The following AOPEP variants were observed in gnomAD, a reference collection of about 807,000 sequenced individuals.
The protein encoded by AOPEP is aminopeptidase O.
Under a neutral mutation model 98.1 loss-of-function variants are expected in AOPEP, and 77 were observed. The observed-to-expected ratio is 0.78, with a 90% CI of 0.65 to 0.95. The LOEUF is 0.95. AOPEP is among the 40% of genes least tolerant of loss of function. The pLI is 0.00. For synonymous variants in AOPEP, 346 were observed against 365.3 expected (o/e 0.95, Z 0.60); for missense variants, 1,024 against 1,024.7 (o/e 1.00, Z 0.01).
chr9:94,890,211 G>GT lies in AOPEP; in HGVS notation c.1365-33766dup, dbSNP rs531372863. Among the ~76,000 whole-genome samples the GT allele has an allele frequency of 1.7e-3, 250 of 145,072 alleles. 2 individuals carry two copies. The highest frequency in any genetic ancestry group is 3.6e-3 in the Middle Eastern group (1 of 278). ...CCTGGCTAATTTTTGTGGTTTTTTT[G>GT]TTTTTTTTTGAAACGGAGCCTTGCT... On this transcript the variant is annotated intron_variant, in intron 5 of 16. Transcript: ENST00000375315.
At chr9:94,952,138 G>A (rs2058140906) in intron 7 of AOPEP, among the ~76,000 whole-genome samples, 1 of 152,196 alleles carries the variant, frequency 6.6e-6, no homozygotes, top group Non-Finnish European at 1.5e-5. Context: ...TTTTGCATTG[G>A]TCCTCAGGTG....
Position 94,762,530 on chromosome 9 carries a change from C to G in AOPEP, c.797+1950C>G, listed in dbSNP as rs763624802. On this transcript the variant is annotated intron_variant, in intron 2 of 16. Coordinates refer to ENST00000375315, the MANE Select transcript of AOPEP (RefSeq NM_001193329.3). ...AATGATAAATTTAGTCTTGATATCT[C>G]ATTTTCTGATAATTCAGTAAATATA... Among the ~76,000 whole-genome samples, 9 of 151,970 alleles carry G rather than the reference C, an allele frequency of 5.9e-5. No individual in the cohort carries two copies. In the East Asian group the frequency reaches 7.7e-4, roughly 13 times the overall value.
intron 7 of AOPEP, chr9:94,934,994 G>A (rs2056033286): frequency 6.6e-6 from 1 of 152,214 alleles, no homozygotes; most frequent in Admixed American, 6.5e-5. Context: ...GTTCTGATAC[G>A]GGTTGGCTGT....
intron 3 of AOPEP, among the ~76,000 whole-genome samples, chr9:94,783,722 A>T (rs1342492255): frequency 6.6e-6 from 1 of 152,122 alleles, no homozygotes; most frequent in Admixed American, 6.5e-5. Context: ...TGATATATAC[A>T]TTCTCTATAG....
At chr9:95,104,020 G>C in the AOPEP span, among the ~76,000 whole-genome samples, 4,830 of 152,024 alleles carry the variant, frequency 0.032, 139 homozygotes, top group Non-Finnish European at 0.049. Context: ...TGAGGGTGGA[G>C]AGACCCAAGC....
At chr9:95,128,878 C>A in the AOPEP span, among the ~76,000 whole-genome samples, 1 of 151,742 alleles carries the variant, frequency 6.6e-6, no homozygotes, top group Admixed American at 6.6e-5. Context: ...GAAACAGCAA[C>A]GGCAGAGATT....
chr9:94,915,527 C>G (rs1464907826), intron 5 of AOPEP, among the ~76,000 whole-genome samples: 1 of 152,122 alleles, frequency 6.6e-6, no homozygotes, highest in African/African-American at 2.4e-5. Context: ...TTGCCTCCAC[C>G]CCGACGTCCT....
At chr9:95,032,127 C>G (rs570796839) in intron 13 of AOPEP, among the ~76,000 whole-genome samples, 18 of 152,366 alleles carry the variant, frequency 1.2e-4, no homozygotes, top group African/African-American at 3.6e-4. Context: ...TCCAGCAGGA[C>G]TCACAGTGAG....
the AOPEP span, among the ~76,000 whole-genome samples, chr9:95,133,648 G>T: frequency 6.6e-6 from 1 of 152,090 alleles, no homozygotes; most frequent in South Asian, 2.1e-4. Flanking sequence ...AGGAAAGGCT[G>T]GAAAAAAGGC....
intron 14 of AOPEP, among the ~76,000 whole-genome samples, chr9:95,073,096 C>T (rs1418668665): frequency 6.6e-6 from 1 of 152,224 alleles, no homozygotes; most frequent in Non-Finnish European, 1.5e-5. Flanking sequence ...GCCTGAAAAG[C>T]TGTAGCTCTT....
chr9:94,932,948 A>G, intron 7 of AOPEP: 2 of 985,388 alleles, frequency 2.0e-6, no homozygotes, highest in Non-Finnish European at 1.2e-6. Flanking sequence ...CTGAGGCAAG[A>G]CGATTTGCTC....
At chr9:94,764,180 C>T (rs936576294) in intron 2 of AOPEP, among the ~76,000 whole-genome samples, 10 of 152,144 alleles carry the variant, frequency 6.6e-5, no homozygotes, top group African/African-American at 9.7e-5. Flanking sequence ...TGGTCTTCCT[C>T]GCAAAAGCTC....
intron 10 of AOPEP, among the ~76,000 whole-genome samples, chr9:94,969,691 G>A (rs1830837602): frequency 6.6e-6 from 1 of 152,226 alleles, no homozygotes; most frequent in Non-Finnish European, 1.5e-5. Context: ...ACAGGCGTGG[G>A]CCACTGCGCC....
intron 10 of AOPEP, among the ~76,000 whole-genome samples, chr9:94,970,114 C>T (rs1038371579): frequency 1.3e-5 from 2 of 152,178 alleles, no homozygotes; most frequent in African/African-American, 4.8e-5. Flanking sequence ...TCTCTTTCAC[C>T]TTCCATTCAG....
chr9:95,041,639 T>C (rs182400204), intron 13 of AOPEP, among the ~76,000 whole-genome samples: 110 of 152,290 alleles, frequency 7.2e-4, no homozygotes, highest in African/African-American at 2.5e-3. Flanking sequence ...TCTTACCGGC[T>C]GTAATAATTA....
chr9:95,091,755 T>C (rs974868279), downstream of AOPEP, among the ~76,000 whole-genome samples: 4 of 152,170 alleles, frequency 2.6e-5, no homozygotes, highest in African/African-American at 9.7e-5. Flanking sequence ...GGCATTCCTG[T>C]TCCAGTCGGA....
intron 3 of AOPEP, among the ~76,000 whole-genome samples, chr9:94,779,112 T>TA (rs1222525638): frequency 6.6e-6 from 1 of 152,236 alleles, no homozygotes; most frequent in Admixed American, 6.5e-5. Flanking sequence ...GGTTGGCAGA[T>TA]ACACGCAGCT....
intron 5 of AOPEP, among the ~76,000 whole-genome samples, chr9:94,807,382 C>T (rs1024291132): frequency 1.3e-5 from 2 of 152,188 alleles, no homozygotes; most frequent in Non-Finnish European, 2.9e-5. Flanking sequence ...GACAGTCCTA[C>T]CTTCAGAGAA....
intron 13 of AOPEP, among the ~76,000 whole-genome samples, chr9:95,052,356 C>T (rs545481346): frequency 1.3e-5 from 2 of 152,218 alleles, no homozygotes; most frequent in African/African-American, 4.8e-5. Flanking sequence ...TCTTTGAACT[C>T]GGTTATTCCT....
Sources: gnomAD v4.1 joint callset for allele counts (sites outside exome capture counted in the v4.1 genomes callset) on GRCh38, gnomAD v4.1.1 for gene constraint, MANE v1.5 for transcripts, NCBI Gene and HGNC (gene_info 2026-07-23, HGNC 2026-07-21) for gene names.